TTLL6: variants seen among roughly 807,000 people sequenced by gnomAD.
The protein encoded by TTLL6 is tubulin tyrosine ligase like 6.
In TTLL6, 75 loss-of-function variants were observed where a neutral mutation model predicts 96.4. The ratio of observed to expected loss-of-function variants is 0.78; its 90% confidence interval spans 0.65 to 0.94. The LOEUF (loss-of-function observed/expected upper bound fraction) is 0.94, where lower values mean the gene tolerates loss of function less well. Ranked by LOEUF, TTLL6 falls within the 40% of genes least tolerant of loss-of-function variation. TTLL6 has a pLI of 0.00. For missense variants in TTLL6, 1,030 were observed against 1,093.0 expected, an observed-to-expected ratio of 0.94 and a Z score of 0.81; for synonymous variants, 411 against 419.4, an observed-to-expected ratio of 0.98 and a Z score of 0.24.
Position 48,769,369 on chromosome 17 carries a change from CTT to C in TTLL6, c.2411-117_2411-116del. 6 of 1,303,286 alleles carry C rather than the reference CTT, an allele frequency of 4.6e-6. No individual in the cohort carries two copies. The South Asian group carries it at 8.9e-5, about 19-fold the overall frequency. 80.7% of individuals were successfully genotyped at this position (1,303,286 alleles called of 1,614,324 possible). ...TGGCCTGTAACTGCCATTCAAAGCT[CTT>C]TGAGCCAGAATCAGCCATTGCTCCT... On this transcript the variant is annotated intron_variant, in intron 14 of 15. Transcript: ENST00000393382.
chr17:48,763,735 G>A (rs955711912), intron 15 of TTLL6, among the ~76,000 whole-genome samples: 3 of 152,124 alleles, frequency 2.0e-5, no homozygotes, highest in Admixed American at 6.5e-5. Context: ...GGAGGTGAAA[G>A]TAGCAGTGAG....
intron 1 of TTLL6, among the ~76,000 whole-genome samples, chr17:48,816,722 T>C (rs2143518151): frequency 6.6e-6 from 1 of 151,960 alleles, no homozygotes; most frequent in East Asian, 1.9e-4. Context: ...TGGACTGTGG[T>C]TTAGGAAATC....
At chr17:48,801,672 C>A (rs943672472) in intron 3 of TTLL6, 29 bp from the exon 4 acceptor site, 2 of 1,528,472 alleles carry the variant, frequency 1.3e-6, no homozygotes, top group Non-Finnish European at 1.8e-6. Flanking sequence ...CCTATTAGCC[C>A]AGGAAGTGGG....
At chr17:48,771,707 A>C (rs574255902) in intron 13 of TTLL6, among the ~76,000 whole-genome samples, 10 of 152,240 alleles carry the variant, frequency 6.6e-5, no homozygotes, top group African/African-American at 2.4e-4. Context: ...TTAGAAGAAC[A>C]AACAGAATCC....
intron 8 of TTLL6, chr17:48,794,404 TGGCAG>T (rs1277772917): frequency 8.9e-6 from 13 of 1,468,158 alleles, no homozygotes; most frequent in African/African-American, 2.8e-5. Flanking sequence ...CCCTGTGAGG[TGGCAG>T]GGCAGGGCAG....
At position 48,770,031 on chromosome 17, in the gene TTLL6, G is replaced by GC. The variant is rs1171154415; in HGVS notation, c.2106dup (p.Pro703AlafsTer10). 1 of 1,614,204 alleles carries GC rather than the reference G, an allele frequency of 6.2e-7. No individual in the cohort carries two copies. Among genetic ancestry groups the GC allele is most frequent in the South Asian group, 1.1e-5 (1 of 91,086 alleles). On this transcript the variant is annotated frameshift_variant, in exon 14 of 16. Transcript: ENST00000393382. LOFTEE classifies it high-confidence loss of function. Reference sequence around the variant, plus strand: ...GAGCTGGCGGTCACAGCCAGGGTTGGCGGAGACTTTGGGGAGATTGAGAGT... The same window carrying GC: ...GAGCTGGCGGTCACAGCCAGGGTTGGCCGGAGACTTTGGGGAGATTGAGAGT...
chr17:48,780,976 G>A (rs1285759548), intron 13 of TTLL6, among the ~76,000 whole-genome samples: 1 of 151,980 alleles, frequency 6.6e-6, no homozygotes, highest in African/African-American at 2.4e-5. Flanking sequence ...ATATCTTTTT[G>A]AGATCCTGTT....
rs1425836208 is a variant in TTLL6, at chr17:48,769,783, C to A, written c.2355G>T (p.Lys785Asn). Residue 785 changes from lysine to asparagine, a missense_variant, in exon 14 of 16, where the codon AAG becomes AAT. Physicochemically the swap from Lys to Asn is moderately conservative, Grantham distance 94. Transcript: ENST00000393382. ...ELLTKLQLSGKLSFFPAHYNP... is the reference protein window; with the variant it reads ...ELLTKLQLSGNLSFFPAHYNP... Reference sequence around the variant, plus strand: ...TGTAGTGAGCTGGGAAGAAGGAGAGCTTCCCACTCAGTTGAAGCTTGGTGA... The same window carrying A: ...TGTAGTGAGCTGGGAAGAAGGAGAGATTCCCACTCAGTTGAAGCTTGGTGA... 3 of 1,614,120 alleles carry A rather than the reference C, an allele frequency of 1.9e-6. No individual in the cohort carries two copies. The highest frequency in any genetic ancestry group is 2.5e-6 in the Non-Finnish European group (3 of 1,180,052).
chr17:48,778,826 A>C (rs1216155960), intron 13 of TTLL6, among the ~76,000 whole-genome samples: 1 of 151,524 alleles, frequency 6.6e-6, no homozygotes, highest in African/African-American at 2.4e-5. Context: ...GCTACTCAGG[A>C]GGCTGAGGCA....
At chr17:48,810,846 TA>T (rs2039578362) in intron 1 of TTLL6, among the ~76,000 whole-genome samples, 1 of 118,224 alleles carries the variant, frequency 8.5e-6, no homozygotes, top group Non-Finnish European at 1.8e-5. Context: ...TATATATATA[TA>T]TATATATAGT....
In TTLL6 at chr17:48,769,213, T is replaced by C. The variant is rs1397659363; in HGVS notation, c.2452A>G (p.Ser818Gly). The C allele has an allele frequency of 1.2e-6, 2 of 1,612,678 alleles. No individual in the cohort carries two copies. The highest frequency in any genetic ancestry group is 1.7e-6 in the Non-Finnish European group (2 of 1,178,938). Residue 818 changes from serine to glycine, a missense_variant, in exon 15 of 16, where the codon AGC becomes GGC. Physicochemically the swap from Ser to Gly is moderately conservative, Grantham distance 56. Coordinates refer to ENST00000393382, the MANE Select transcript of TTLL6 (RefSeq NM_001130918.3). ...LPGECHSRSD[S>G]SGEKRQLDVS... Reference sequence around the variant, plus strand: ...TCCAGCTGCCTCTTCTCGCCAGAGCTGTCACTGCGGGAGTGGCACTCCCCA... The same window carrying C: ...TCCAGCTGCCTCTTCTCGCCAGAGCCGTCACTGCGGGAGTGGCACTCCCCA...
chr17:48,799,838 A>C, intron 5 of TTLL6, 78 bp from the exon 6 acceptor site: 1 of 1,328,434 alleles, frequency 7.5e-7, no homozygotes, highest in Non-Finnish European at 1.0e-6. Flanking sequence ...TTATGAAGAA[A>C]AGAAAGAAAA....
At chr17:48,799,816 A>G in intron 5 of TTLL6, 56 bp from the exon 6 acceptor site, 1 of 1,471,560 alleles carries the variant, frequency 6.8e-7, no homozygotes, top group Middle Eastern at 1.7e-4. Context: ...AATGAAAAGG[A>G]AGGCTAGCCC....
intron 1 of TTLL6, among the ~76,000 whole-genome samples, chr17:48,811,105 G>A (rs1321743446): frequency 4.6e-5 from 6 of 129,224 alleles, no homozygotes; most frequent in East Asian, 2.3e-4. Context: ...AGTCTCACTC[G>A]TCACACAGGC....
At chr17:48,773,294 G>T (rs1271946054) in intron 13 of TTLL6, among the ~76,000 whole-genome samples, 4 of 152,086 alleles carry the variant, frequency 2.6e-5, no homozygotes, top group Non-Finnish European at 4.4e-5. Context: ...TTGAATAATG[G>T]CAATAAATTT....
intron 1 of TTLL6, among the ~76,000 whole-genome samples, chr17:48,813,506 T>C (rs919504555): frequency 1.3e-5 from 2 of 151,752 alleles, no homozygotes; most frequent in Non-Finnish European, 2.9e-5. Flanking sequence ...TTGCAGCGAG[T>C]AGAGATCACA....
At position 48,804,787 on chromosome 17, in the gene TTLL6, T is replaced by C. The variant is rs1372504482; in HGVS notation, c.308A>G (p.Lys103Arg). Residue 103 changes from lysine (K) to arginine (R), a missense_variant, in exon 2 of 16, where the codon AAG becomes AGG. Transcript: ENST00000393382. ...LQNAQQQGKK[K>R]RKKKRLVINL... ...CAATCCTAACCTCTTTTTCTTCCTC[T>C]TCTTCTTGCCTTGCTGCTGGGCATT... is the stretch of plus-strand genomic sequence containing the variant. The C allele has an allele frequency of 3.9e-6, 6 of 1,552,202 alleles. No individual in the cohort carries two copies. Among genetic ancestry groups the C allele is most frequent in the Middle Eastern group, 3.3e-4 (2 of 5,998 alleles).
At chr17:48,772,243 G>A (rs1038430325) in intron 13 of TTLL6, among the ~76,000 whole-genome samples, 5 of 152,144 alleles carry the variant, frequency 3.3e-5, no homozygotes, top group African/African-American at 1.2e-4. Context: ...CCAGCACGTT[G>A]GGAAGCCAAG....
chr17:48,809,876 G>A (rs1416637068), intron 1 of TTLL6, among the ~76,000 whole-genome samples: 4 of 151,956 alleles, frequency 2.6e-5, no homozygotes, highest in South Asian at 2.1e-4. Flanking sequence ...AAGGCCGGGC[G>A]CGGTGGCTCA....
Sources: gnomAD v4.1 joint callset for allele counts (sites outside exome capture counted in the v4.1 genomes callset) on GRCh38, gnomAD v4.1.1 for gene constraint, MANE v1.5 for transcripts, NCBI Gene and HGNC (gene_info 2026-07-23, HGNC 2026-07-21) for gene names.